The following GALNTL6 variants were observed in gnomAD, a reference collection of about 807,000 sequenced individuals.
GALNTL6 encodes polypeptide N-acetylgalactosaminyltransferase like 6.
Under a neutral mutation model 73.7 loss-of-function variants are expected in GALNTL6, and 46 were observed. That is an observed-to-expected ratio of 0.62 (90% CI 0.49 to 0.80). GALNTL6 has a LOEUF of 0.80. Among genes scored for constraint, GALNTL6 ranks in the 30% least tolerant of loss-of-function variants. The pLI is 0.00. For synonymous variants in GALNTL6, 259 were observed against 263.7 expected (o/e 0.98, Z 0.17); for missense variants, 604 against 755.0 (o/e 0.80, Z 2.34).
intron 11 of GALNTL6, among the ~76,000 whole-genome samples, chr4:173,020,139 C>T (rs1403199401): frequency 6.6e-6 from 1 of 152,200 alleles, no homozygotes; most frequent in Non-Finnish European, 1.5e-5. Context: ...TCATCTAGTC[C>T]ATTTTCACAC....
intron 2 of GALNTL6, among the ~76,000 whole-genome samples, chr4:171,974,274 T>G (rs1739653514): frequency 6.6e-6 from 1 of 152,206 alleles, no homozygotes; most frequent in Non-Finnish European, 1.5e-5. Context: ...AGTAGGCTTA[T>G]TTAAACTTTG....
intron 2 of GALNTL6, among the ~76,000 whole-genome samples, chr4:171,987,792 G>A (rs911958745): frequency 6.6e-6 from 1 of 152,158 alleles, no homozygotes; most frequent in African/African-American, 2.4e-5. Flanking sequence ...AATAAATCAA[G>A]CGTGATCAGG....
chr4:172,432,765 T>A (rs1199745542), intron 5 of GALNTL6, among the ~76,000 whole-genome samples: 1 of 151,924 alleles, frequency 6.6e-6, no homozygotes, highest in East Asian at 1.9e-4. Flanking sequence ...CCTTGACAAG[T>A]AAATTTGACT....
At chr4:172,925,422 C>G (rs1056660018) in intron 8 of GALNTL6, among the ~76,000 whole-genome samples, 3 of 152,178 alleles carry the variant, frequency 2.0e-5, no homozygotes, top group Non-Finnish European at 4.4e-5. Flanking sequence ...TAAGATGACT[C>G]TCTTCCTTGG....
intron 8 of GALNTL6, among the ~76,000 whole-genome samples, chr4:172,899,797 A>C (rs2111236133): frequency 6.6e-6 from 1 of 152,324 alleles, no homozygotes; most frequent in South Asian, 2.1e-4. Flanking sequence ...TTGTTTGCTA[A>C]ACAAGGGGTA....
rs1202365619 is a variant in GALNTL6 at position 173,028,879 on chromosome 4, G to A, written c.1638+7254G>A. ...AAATAGCATCAAACAGGAAGTACAGGTAAGAAGGCACCTGCCAGGCTAAAT... is the reference window on the plus strand; with the variant it reads ...AAATAGCATCAAACAGGAAGTACAGATAAGAAGGCACCTGCCAGGCTAAAT... On this transcript the variant is annotated intron_variant, in intron 12 of 12. Coordinates refer to ENST00000506823, the MANE Select transcript of GALNTL6 (RefSeq NM_001034845.3). 1.3e-5 allele frequency among the ~76,000 whole-genome samples: 2 copies of A among 152,206 alleles called. 1 individual carries two copies. Among genetic ancestry groups the A allele is most frequent in the Non-Finnish European group, 2.9e-5 (2 of 68,034 alleles).
chr4:173,009,389 A>T (rs770344006), intron 11 of GALNTL6, 95 bp downstream of exon 11: 1 of 789,042 alleles, frequency 1.3e-6, no homozygotes, highest in South Asian at 1.5e-5. Flanking sequence ...CGAATGGTGC[A>T]GATGGTACTT....
At chr4:171,897,859 G>A (rs946764917) in intron 2 of GALNTL6, among the ~76,000 whole-genome samples, 6 of 150,862 alleles carry the variant, frequency 4.0e-5, no homozygotes, top group African/African-American at 9.7e-5. Flanking sequence ...TTCAGGAGGC[G>A]GAGGTTGTAG....
At chr4:173,028,597 A>G (rs1025415218) in intron 12 of GALNTL6, among the ~76,000 whole-genome samples, 12 of 152,174 alleles carry the variant, frequency 7.9e-5, no homozygotes, top group African/African-American at 2.4e-4. Flanking sequence ...AAATGTCTAT[A>G]TGGCCTGCCT....
intron 5 of GALNTL6, among the ~76,000 whole-genome samples, chr4:172,624,418 C>A: frequency 7.6e-6 from 1 of 131,978 alleles, no homozygotes; most frequent in Admixed American, 7.2e-5. Flanking sequence ...TCCAACCATC[C>A]ACCTAGAAAA....
At chr4:172,676,046 T>C (rs1732286394) in intron 5 of GALNTL6, among the ~76,000 whole-genome samples, 1 of 152,210 alleles carries the variant, frequency 6.6e-6, no homozygotes, top group Non-Finnish European at 1.5e-5. Flanking sequence ...TAAAAAAGTA[T>C]ATATGATAGT....
chr4:172,004,617 G>T (rs574220372), intron 2 of GALNTL6, among the ~76,000 whole-genome samples: 2 of 152,118 alleles, frequency 1.3e-5, no homozygotes, highest in African/African-American at 4.8e-5. Context: ...AATTAAAGCA[G>T]AGAAACAGAT....
chr4:172,176,677 T>G (rs1735012396), intron 2 of GALNTL6, among the ~76,000 whole-genome samples: 1 of 152,084 alleles, frequency 6.6e-6, no homozygotes, highest in Non-Finnish European at 1.5e-5. Context: ...TAGTTCTAGC[T>G]ACTGTGCAGG....
intron 2 of GALNTL6, among the ~76,000 whole-genome samples, chr4:171,945,307 T>C (rs539580561): frequency 6.9e-4 from 105 of 152,220 alleles, no homozygotes; most frequent in African/African-American, 2.3e-3. Flanking sequence ...CAAGCGTTCA[T>C]ATGTCCATTA....
At chr4:172,567,707 G>T (rs937768246) in intron 5 of GALNTL6, among the ~76,000 whole-genome samples, 1 of 152,128 alleles carries the variant, frequency 6.6e-6, no homozygotes. Context: ...ATGGTAGCAG[G>T]TGCCTGTAAT....
intron 2 of GALNTL6, among the ~76,000 whole-genome samples, chr4:171,855,885 A>C (rs1735675970): frequency 6.6e-6 from 1 of 152,136 alleles, no homozygotes; most frequent in African/African-American, 2.4e-5. Flanking sequence ...TTGTCACATA[A>C]ATTTTGCATC....
intron 5 of GALNTL6, among the ~76,000 whole-genome samples, chr4:172,733,781 T>G (rs1009074615): frequency 2.0e-5 from 3 of 152,168 alleles, no homozygotes; most frequent in Non-Finnish European, 4.4e-5. Flanking sequence ...TTCTTTTTCT[T>G]TATAAATTAC....
chr4:172,301,781 G>T (rs1474438168), intron 3 of GALNTL6, among the ~76,000 whole-genome samples: 3 of 152,178 alleles, frequency 2.0e-5, no homozygotes, highest in Non-Finnish European at 4.4e-5. Flanking sequence ...TGCCCCTACT[G>T]GGGGGTGCCT....
At chr4:171,993,302 G>A (rs1382015499) in intron 2 of GALNTL6, among the ~76,000 whole-genome samples, 1 of 151,904 alleles carries the variant, frequency 6.6e-6, no homozygotes, top group Non-Finnish European at 1.5e-5. Flanking sequence ...ATATCTACAG[G>A]CTTATTATGT....
Sources: gnomAD v4.1 joint callset for allele counts (sites outside exome capture counted in the v4.1 genomes callset) on GRCh38, gnomAD v4.1.1 for gene constraint, MANE v1.5 for transcripts, NCBI Gene and HGNC (gene_info 2026-07-23, HGNC 2026-07-21) for gene names.